The following OXR1 variants were observed in gnomAD, a reference collection of about 807,000 sequenced individuals.
The protein encoded by OXR1 is oxidation resistance protein 1.
Under a neutral mutation model 104.6 loss-of-function variants are expected in OXR1, and 41 were observed. The ratio of observed to expected loss-of-function variants is 0.39; its 90% CI spans 0.31 to 0.51. The LOEUF (loss-of-function observed/expected upper bound fraction) is 0.51, where lower values mean the gene tolerates loss of function less well. Among genes scored for constraint, OXR1 ranks in the 20% least tolerant of loss-of-function variants. OXR1 has a pLI of 0.77. For synonymous variants in OXR1, 348 were observed against 348.4 expected, an observed-to-expected ratio of 1.00 and a Z score of 0.01; for missense variants, 955 against 1,031.9, an observed-to-expected ratio of 0.93 and a Z score of 1.02.
At chr8:106,414,293 G>A (rs889139884) in intron 2 of OXR1, among the ~76,000 whole-genome samples, 1 of 152,072 alleles carries the variant, frequency 6.6e-6, no homozygotes, top group Non-Finnish European at 1.5e-5. Flanking sequence ...ACCATGATCA[G>A]CTCCCAGTTG....
At chr8:106,657,829 A>G in intron 3 of OXR1, 6 of 1,235,448 alleles carry the variant, frequency 4.9e-6, no homozygotes, top group African/African-American at 1.6e-5. Flanking sequence ...CCGGGCAGAG[A>G]GAGGGACGCC....
At chr8:106,572,949 A>T (rs921137199) in intron 3 of OXR1, among the ~76,000 whole-genome samples, 1 of 152,102 alleles carries the variant, frequency 6.6e-6, no homozygotes, top group South Asian at 2.1e-4. Context: ...GACCCAGGAG[A>T]GCTGATGTGT....
chr8:106,316,944 C>T (rs1363567679), intron 1 of OXR1, among the ~76,000 whole-genome samples: 2 of 152,110 alleles, frequency 1.3e-5, no homozygotes, highest in East Asian at 3.9e-4. Flanking sequence ...AATCTCGGCT[C>T]ACTGAAACCC....
chr8:106,317,675 G>A (rs1814026693), intron 1 of OXR1, among the ~76,000 whole-genome samples: 1 of 151,994 alleles, frequency 6.6e-6, no homozygotes, highest in African/African-American at 2.4e-5. Flanking sequence ...GTGCTTCTGG[G>A]TATGTCCTGT....
intron 16 of OXR1, among the ~76,000 whole-genome samples, chr8:106,750,533 TTGGTCAGGC>T (rs1165276928): frequency 6.6e-6 from 1 of 152,058 alleles, no homozygotes; most frequent in Non-Finnish European, 1.5e-5. Context: ...TTTCTCCATG[TTGGTCAGGC>T]TGGTCTTGAA....
At chr8:106,618,308 C>G (rs3134136) in intron 3 of OXR1, 48 of 814,926 alleles carry the variant, frequency 5.9e-5, no homozygotes, top group Non-Finnish European at 9.5e-5. Context: ...GGATCTGTGA[C>G]GATGCAGTTG....
intron 2 of OXR1, among the ~76,000 whole-genome samples, chr8:106,399,733 GT>G (rs1817925551): frequency 6.6e-6 from 1 of 152,126 alleles, no homozygotes; most frequent in African/African-American, 2.4e-5. Flanking sequence ...TATCATCTGT[GT>G]TTTACAAATG....
intron 3 of OXR1, among the ~76,000 whole-genome samples, chr8:106,621,273 A>T (rs996389139): frequency 6.6e-6 from 1 of 152,160 alleles, no homozygotes; most frequent in East Asian, 1.9e-4. Context: ...TTTAAAAGTG[A>T]GACCCCTGTC....
chr8:106,306,502 A>G (rs1207518940), intron 1 of OXR1, among the ~76,000 whole-genome samples: 1 of 150,126 alleles, frequency 6.7e-6, no homozygotes. Context: ...AGCAGTTTTA[A>G]TTGTAATAGC....
intron 9 of OXR1, 116 bp from the exon 10 acceptor site, chr8:106,710,506 C>A: frequency 3.6e-6 from 2 of 561,506 alleles, no homozygotes; most frequent in East Asian, 6.7e-5. Flanking sequence ...TTTAGCACCA[C>A]TAAAGTGAGG....
At chr8:106,294,824 T>G (rs1812922844) in intron 1 of OXR1, among the ~76,000 whole-genome samples, 2 of 152,180 alleles carry the variant, frequency 1.3e-5, no homozygotes, top group African/African-American at 2.4e-5. Context: ...AAGCAAACCC[T>G]TACTTGTTCT....
intron 2 of OXR1, among the ~76,000 whole-genome samples, chr8:106,402,436 T>C (rs977760847): frequency 1.6e-4 from 25 of 152,116 alleles, no homozygotes; most frequent in African/African-American, 5.8e-4. Context: ...AGCTGCTGAG[T>C]ATATTTATTT....
chr8:106,354,161 C>T (rs1815859541), intron 1 of OXR1, among the ~76,000 whole-genome samples: 1 of 151,294 alleles, frequency 6.6e-6, no homozygotes, highest in African/African-American at 2.4e-5. Context: ...TGTAAGTAAG[C>T]AAGCTCAAGC....
At chr8:106,583,385 C>A (rs1417137535) in intron 3 of OXR1, among the ~76,000 whole-genome samples, 1 of 152,128 alleles carries the variant, frequency 6.6e-6, no homozygotes, top group Non-Finnish European at 1.5e-5. Context: ...AAACACTTAA[C>A]CTCTGTAAAA....
At chr8:106,699,116 C>T (rs1830353988) in intron 7 of OXR1, among the ~76,000 whole-genome samples, 1 of 152,134 alleles carries the variant, frequency 6.6e-6, no homozygotes, top group African/African-American at 2.4e-5. Context: ...AATTTTTCTC[C>T]TTACTAAGAC....
intron 2 of OXR1, among the ~76,000 whole-genome samples, chr8:106,439,062 G>C (rs966475740): frequency 6.6e-6 from 1 of 152,046 alleles, no homozygotes; most frequent in Non-Finnish European, 1.5e-5. Context: ...GAAGATATTT[G>C]CTTCTTTAAA....
intron 1 of OXR1, among the ~76,000 whole-genome samples, chr8:106,317,942 A>G (rs1447651310): frequency 2.6e-5 from 4 of 152,200 alleles, no homozygotes; most frequent in Non-Finnish European, 5.9e-5. Context: ...ACACAGAGGA[A>G]AGACTAACAA....
intron 2 of OXR1, among the ~76,000 whole-genome samples, chr8:106,427,090 G>T (rs983530671): frequency 2.0e-5 from 3 of 152,136 alleles, no homozygotes; most frequent in Admixed American, 6.6e-5. Context: ...GCAGGGCAAA[G>T]CTTCTTAGAA....
chr8:106,444,934 T>A (rs896035232), intron 2 of OXR1, among the ~76,000 whole-genome samples: 4 of 152,178 alleles, frequency 2.6e-5, no homozygotes, highest in Admixed American at 2.6e-4. Flanking sequence ...AGCATTATGA[T>A]AATTTAATAT....
Sources: allele counts gnomAD v4.1 joint callset (sites outside exome capture counted in the v4.1 genomes callset), GRCh38; gene constraint gnomAD v4.1.1; transcripts MANE v1.5; gene names NCBI Gene and HGNC (gene_info 2026-07-23, HGNC 2026-07-21).